Variants in PHACTR1 observed in about 807,000 individuals in gnomAD.
PHACTR1 encodes the protein RPEL repeat containing 1.
Under a neutral mutation model 69.2 loss-of-function variants are expected in PHACTR1, and 16 were observed. The observed-to-expected ratio is 0.23, with a 90% CI of 0.16 to 0.35. The LOEUF (loss-of-function observed/expected upper bound fraction) is 0.35. PHACTR1 is among the 10% of genes least tolerant of loss of function. The pLI, the probability that PHACTR1 is intolerant of heterozygous loss-of-function variation, is 1.00. For missense variants in PHACTR1, 510 were observed against 734.7 expected (o/e 0.69, Z 3.54); for synonymous variants, 312 against 284.5 (o/e 1.10, Z -0.97).
intron 5 of PHACTR1, among the ~76,000 whole-genome samples, chr6:13,088,909 A>G (rs762666699): frequency 9.9e-5 from 15 of 152,222 alleles, no homozygotes; most frequent in Non-Finnish European, 1.8e-4. Context: ...TTTGAGCCTA[A>G]TAGACAGTCT....
chr6:12,756,426 T>A (rs1412748), intron 4 of PHACTR1, among the ~76,000 whole-genome samples: 60,040 of 152,010 alleles, frequency 0.39, 12,835 homozygotes, highest in Non-Finnish European at 0.49. Flanking sequence ...AGTATTGACA[T>A]TTTAATTGCT....
In PHACTR1 at chr6:13,100,163, G is replaced by A. The variant is rs1814918969; in HGVS notation, c.415+46634G>A. Among the ~76,000 whole-genome samples, 5 of 152,224 alleles carry A rather than the reference G, an allele frequency of 3.3e-5. 1 individual carries two copies. The South Asian group carries it at 1.0e-3, about 32-fold the overall frequency. On this transcript the variant is annotated intron_variant, in intron 5 of 14. Transcript: ENST00000332995. The stretch of plus-strand genomic sequence containing the variant: ...TCAAAAGATAGATTCACAAGCAAAA[G>A]AACATACAAATTTATTTAATGTTAA...
At chr6:13,244,039 G>T (rs904737941) in intron 10 of PHACTR1, among the ~76,000 whole-genome samples, 14 of 152,132 alleles carry the variant, frequency 9.2e-5, no homozygotes, top group African/African-American at 3.4e-4. Context: ...CGATAATCAC[G>T]TAGGTTCTTT....
intron 10 of PHACTR1, among the ~76,000 whole-genome samples, chr6:13,234,610 G>A (rs562203947): frequency 6.6e-5 from 10 of 152,208 alleles, no homozygotes; most frequent in African/African-American, 2.4e-4. Flanking sequence ...CAAGTAAAAT[G>A]ATGTCAACTT....
At chr6:13,003,130 G>A (rs765237812) in intron 4 of PHACTR1, among the ~76,000 whole-genome samples, 42 of 151,966 alleles carry the variant, frequency 2.8e-4, no homozygotes, top group African/African-American at 9.2e-4. Context: ...AAGAGAAAGG[G>A]GACTTAAAAA....
chr6:13,086,536 T>C (rs1812342915), intron 5 of PHACTR1, among the ~76,000 whole-genome samples: 1 of 152,162 alleles, frequency 6.6e-6, no homozygotes, highest in African/African-American at 2.4e-5. Flanking sequence ...TGCTTTTTTT[T>C]CTGCCAATAT....
intron 5 of PHACTR1, among the ~76,000 whole-genome samples, chr6:13,053,904 C>T (rs1806379044): frequency 6.6e-6 from 1 of 152,108 alleles, no homozygotes; most frequent in Non-Finnish European, 1.5e-5. Context: ...TAGCAGAAAA[C>T]AAGTTATATG....
chr6:13,212,894 C>T (rs1186943790), intron 8 of PHACTR1, among the ~76,000 whole-genome samples: 1 of 152,202 alleles, frequency 6.6e-6, no homozygotes, highest in Non-Finnish European at 1.5e-5. Flanking sequence ...TGCAACCCTC[C>T]TCGCAACACA....
At chr6:13,196,486 T>C in intron 7 of PHACTR1, 1 of 178,094 alleles carries the variant, frequency 5.6e-6, no homozygotes, top group South Asian at 8.1e-5. Flanking sequence ...AGTGGTACAA[T>C]CTCAGCTCAC....
Position 13,179,405 on chromosome 6 carries a change from CGTGTGTGTGTGTGT to C in PHACTR1, c.497-3087_497-3074del, listed in dbSNP as rs4053019. ...TATACAGCCCATTACATTAATGTTT[CGTGTGTGTGTGTGT>C]GTGTGTGTGTGTGTGTGTGTGTGTG... is the stretch of plus-strand genomic sequence containing the variant. On this transcript the variant is annotated intron_variant, in intron 6 of 14. Coordinates refer to ENST00000332995, the MANE Select transcript of PHACTR1 (RefSeq NM_030948.6). The surrounding 1 kb of genome is among the most constrained non-coding windows in gnomAD (Gnocchi z 4.2). Among the ~76,000 whole-genome samples, 19 of 141,956 alleles carry C rather than the reference CGTGTGTGTGTGTGT, an allele frequency of 1.3e-4. No homozygotes were observed. The highest frequency in any genetic ancestry group is 1.7e-4 in the Non-Finnish European group (11 of 65,904). The allele number at this position is 141,956 out of a possible 152,430, so 93.1% of individuals were successfully genotyped here. A position where few individuals can be genotyped will look rare whatever the true frequency, so the allele number is the denominator to read the frequency against.
At chr6:13,034,613 T>C (rs1392092548) in intron 4 of PHACTR1, among the ~76,000 whole-genome samples, 1 of 152,108 alleles carries the variant, frequency 6.6e-6, no homozygotes, top group African/African-American at 2.4e-5. Flanking sequence ...GGTATTAGGG[T>C]TGGGGCTGGG....
intron 4 of PHACTR1, among the ~76,000 whole-genome samples, chr6:12,814,054 G>T (rs1775310788): frequency 6.6e-6 from 1 of 152,220 alleles, no homozygotes; most frequent in Non-Finnish European, 1.5e-5. Flanking sequence ...CCCCTGTGAA[G>T]ACACATCCCT....
At chr6:13,065,983 A>G (rs926852080) in intron 5 of PHACTR1, among the ~76,000 whole-genome samples, 2 of 151,954 alleles carry the variant, frequency 1.3e-5, no homozygotes, top group Non-Finnish European at 2.9e-5. Flanking sequence ...CAGCATAGGT[A>G]AGCAGGGAAT....
chr6:12,988,393 ACTGT>A (rs1796438000), intron 4 of PHACTR1, among the ~76,000 whole-genome samples: 7 of 152,186 alleles, frequency 4.6e-5, no homozygotes, highest in Admixed American at 4.6e-4. Context: ...GTGTGTGAAA[ACTGT>A]CTGGATGCCA....
chr6:13,014,884 G>A (rs1251045814), intron 4 of PHACTR1, among the ~76,000 whole-genome samples: 1 of 152,232 alleles, frequency 6.6e-6, no homozygotes, highest in African/African-American at 2.4e-5. Flanking sequence ...CGCCGGCGCG[G>A]ACCAGGCAGA....
intron 4 of PHACTR1, among the ~76,000 whole-genome samples, chr6:12,768,409 C>T (rs140237278): frequency 7.0e-4 from 107 of 152,254 alleles, no homozygotes; most frequent in African/African-American, 2.5e-3. Context: ...CCACCGCGCC[C>T]GGCCCAAATC....
At chr6:12,736,276 T>C (rs1331250378) in intron 3 of PHACTR1, among the ~76,000 whole-genome samples, 1 of 152,202 alleles carries the variant, frequency 6.6e-6, no homozygotes, top group African/African-American at 2.4e-5. Flanking sequence ...TTTGTAGCTT[T>C]TCATGAATGA....
intron 4 of PHACTR1, among the ~76,000 whole-genome samples, chr6:12,904,074 A>G (rs1037961589): frequency 6.6e-6 from 1 of 152,230 alleles, no homozygotes; most frequent in Non-Finnish European, 1.5e-5. Flanking sequence ...TTACTGAGCT[A>G]TTCTTTTACA....
At chr6:13,131,969 T>A (rs1583497267) in intron 5 of PHACTR1, among the ~76,000 whole-genome samples, 1 of 152,282 alleles carries the variant, frequency 6.6e-6, no homozygotes, top group East Asian at 1.9e-4. Flanking sequence ...TCTCCTTTTT[T>A]CCAGCATCCT....
Sources: allele counts gnomAD v4.1 joint callset (sites outside exome capture counted in the v4.1 genomes callset), GRCh38; gene constraint gnomAD v4.1.1; non-coding constraint Gnocchi (gnomAD v3.1); transcripts MANE v1.5; gene names NCBI Gene and HGNC (gene_info 2026-07-23, HGNC 2026-07-21).